Variants in ITGA4 observed in about 807,000 individuals in gnomAD.
The protein encoded by ITGA4 is integrin alpha-4.
A neutral mutation model predicts 133.6 loss-of-function variants in ITGA4; 63 were observed. The ratio of observed to expected loss-of-function variants is 0.47; its 90% CI spans 0.38 to 0.58. The LOEUF (loss-of-function observed/expected upper bound fraction) is 0.58. Among genes scored for constraint, ITGA4 ranks in the 20% least tolerant of loss-of-function variants. The pLI, the probability that ITGA4 is intolerant of heterozygous loss-of-function variation, is 0.00. For synonymous variants in ITGA4, 483 were observed against 438.0 expected, an observed-to-expected ratio of 1.10 and a Z score of -1.28; for missense variants, 1,076 against 1,252.7, an observed-to-expected ratio of 0.86 and a Z score of 2.13.
intron 8 of ITGA4, 35 bp from the exon 9 acceptor site, chr2:181,482,479 T>C (rs1685829007): frequency 6.2e-7 from 1 of 1,613,516 alleles, no homozygotes; most frequent in Non-Finnish European, 8.5e-7. Flanking sequence ...CCCTGCTTTT[T>C]TCTCAATGAG....
chr2:181,469,765 G>A (rs1272902183), intron 2 of ITGA4, among the ~76,000 whole-genome samples: 1 of 152,148 alleles, frequency 6.6e-6, no homozygotes, highest in Non-Finnish European at 1.5e-5. Context: ...GTCCTTTGTA[G>A]GGACATGGAT....
At chr2:181,464,370 G>A (rs946344154) in intron 2 of ITGA4, among the ~76,000 whole-genome samples, 5 of 152,058 alleles carry the variant, frequency 3.3e-5, no homozygotes, top group African/African-American at 1.2e-4. Flanking sequence ...TTTTAACTGG[G>A]TTCTTCCTTC....
In ITGA4 at chr2:181,524,959, TAAAA is replaced by T. The variant is rs34230117; in HGVS notation, c.2250-233_2250-230del. ...TAATCTAATAAATGTAACTATTTGT[TAAAA>T]AAAAAAAAATTCCTCTATCTAGCAT... is the stretch of plus-strand genomic sequence containing the variant. On this transcript the variant is annotated intron_variant, in intron 20 of 27. Coordinates refer to ENST00000397033, the MANE Select transcript of ITGA4 (RefSeq NM_000885.6). Among the ~76,000 whole-genome samples the T allele has an allele frequency of 8.2e-5, 12 of 146,430 alleles. No individual in the cohort carries two copies. The East Asian group carries it at 2.2e-3, about 26-fold the overall frequency.
At position 181,534,240 on chromosome 2, in the gene ITGA4, C is replaced by T. The variant is rs1342271684; in HGVS notation, c.2785-32C>T. 4 of 1,263,978 alleles carry T rather than the reference C, an allele frequency of 3.2e-6. No individual in the cohort carries two copies. In the African/African-American group the frequency reaches 5.9e-5, roughly 19 times the overall value. 78.3% of individuals were successfully genotyped at this position (1,263,978 alleles called of 1,614,324 possible). ...TAAATTATGTCTTTATGAAATAAAC[C>T]AGGCTATGGTGATCCTTCTTTTATT... On this transcript the variant is annotated intron_variant, in intron 25 of 27. Transcript: ENST00000397033.
rs936648299 is a variant in ITGA4 at position 181,537,429 on chromosome 2, T to C, written c.*1902T>C. On this transcript the variant is annotated 3_prime_UTR_variant, in exon 28 of 28. Transcript: ENST00000397033. Reference sequence around the variant, plus strand: ...AATAGTATTTGTTATCAACTTACTTTGTTACTTGTATCATGAATTTTAAAA... The same window carrying C: ...AATAGTATTTGTTATCAACTTACTTCGTTACTTGTATCATGAATTTTAAAA... The C allele has an allele frequency of 6.6e-6, 3 of 453,838 alleles. No individual in the cohort carries two copies. Among genetic ancestry groups the C allele is most frequent in the African/African-American group, 6.0e-5 (3 of 49,996 alleles). The allele number at this position is 453,838 out of a possible 1,614,324, so 28.1% of individuals were successfully genotyped here. A position where few individuals can be genotyped will look rare whatever the true frequency, so the allele number is the denominator to read the frequency against.
In ITGA4 at chr2:181,535,776, C is replaced by T. The variant is rs982668896; in HGVS notation, c.*249C>T. 3 of 296,268 alleles carry T rather than the reference C, an allele frequency of 1.0e-5. No individual in the cohort carries two copies. The highest frequency in any genetic ancestry group is 4.7e-5 in the Admixed American group (1 of 21,116). 18.4% of individuals were successfully genotyped at this position (296,268 alleles called of 1,614,324 possible). Reference sequence around the variant, plus strand: ...TTAAATGGGTAGAGAAACACTAAAGCATTCAATTTATTCAAGAAAAGTAAG... The same window carrying T: ...TTAAATGGGTAGAGAAACACTAAAGTATTCAATTTATTCAAGAAAAGTAAG... On this transcript the variant is annotated 3_prime_UTR_variant, in exon 28 of 28. Coordinates refer to ENST00000397033, the MANE Select transcript of ITGA4 (RefSeq NM_000885.6).
rs558137019 is a variant in ITGA4 at position 181,512,391 on chromosome 2, G to A, written c.1922+616G>A. Among the ~76,000 whole-genome samples the A allele has an allele frequency of 7.2e-5, 11 of 152,114 alleles. No homozygotes were observed. In the South Asian group the frequency reaches 1.9e-3, roughly 26 times the overall value. ...TGAATTTGGAGGGACTTTTCTATGT[G>A]GCATTCCACTTGAAAATCTAGTTCA... On this transcript the variant is annotated intron_variant, in intron 17 of 27. Coordinates refer to ENST00000397033, the MANE Select transcript of ITGA4 (RefSeq NM_000885.6).
At chr2:181,498,866 A>T in intron 15 of ITGA4, 89 bp downstream of exon 15, 3 of 1,448,512 alleles carry the variant, frequency 2.1e-6, no homozygotes, top group Admixed American at 2.5e-5. Context: ...TTTTTATAAA[A>T]TGTAGATAAA....
chr2:181,495,421 GAC>G lies in ITGA4; in HGVS notation c.1385+6_1385+7del, dbSNP rs772394233. 7 of 1,602,158 alleles carry G rather than the reference GAC, an allele frequency of 4.4e-6. No individual in the cohort carries two copies. The South Asian group carries it at 7.7e-5, about 18-fold the overall frequency. On this transcript the variant is annotated splice_donor_region_variant and intron_variant, in intron 13 of 27. Coordinates refer to ENST00000397033, the MANE Select transcript of ITGA4 (RefSeq NM_000885.6). The surrounding 1 kb of genome is among the most constrained non-coding windows in gnomAD (Gnocchi z 4.3). ...TGATTCTGCTGTCTTGCTAAGGTAA[GAC>G]TGATATATTTCACTGCTTAATTGCA...
At position 181,495,040 on chromosome 2, in the gene ITGA4, C is replaced by A. The variant is rs891580821; in HGVS notation, c.1339+228C>A. Among the ~76,000 whole-genome samples, 6 of 152,218 alleles carry A rather than the reference C, an allele frequency of 3.9e-5. No homozygotes were observed. The highest frequency in any genetic ancestry group is 2.0e-4 in the Admixed American group (3 of 15,294). On this transcript the variant is annotated intron_variant, in intron 12 of 27. Transcript: ENST00000397033. The surrounding 1 kb of genome is among the most constrained non-coding windows in gnomAD (Gnocchi z 4.3). ...GTCTGTGTTTTTGAAAACATGAAAGCACTCATGAAAATCAAATATATGAGG... is the reference window on the plus strand; with the variant it reads ...GTCTGTGTTTTTGAAAACATGAAAGAACTCATGAAAATCAAATATATGAGG...
intron 17 of ITGA4, among the ~76,000 whole-genome samples, chr2:181,514,771 C>T (rs1283352312): frequency 6.6e-6 from 1 of 152,074 alleles, no homozygotes; most frequent in East Asian, 1.9e-4. Context: ...GAAAATGAGA[C>T]ATTGACATTT....
chr2:181,457,341 C>T (rs965195881), upstream of ITGA4: 2 of 317,616 alleles, frequency 6.3e-6, no homozygotes, highest in Non-Finnish European at 5.9e-6. Context: ...CGGCCCTGCG[C>T]CTCCGCACCA....
At chr2:181,500,489 C>T (rs1184943550) in intron 15 of ITGA4, among the ~76,000 whole-genome samples, 2 of 152,148 alleles carry the variant, frequency 1.3e-5, no homozygotes, top group East Asian at 3.9e-4. Context: ...TGAATTCTTC[C>T]ATCTTCCTAG....
chr2:181,487,661 A>G (rs1375884095), intron 10 of ITGA4, among the ~76,000 whole-genome samples: 1 of 152,246 alleles, frequency 6.6e-6, no homozygotes. Flanking sequence ...GTTACATCTC[A>G]TAAGTAACCA....
intron 2 of ITGA4, among the ~76,000 whole-genome samples, chr2:181,459,990 G>T (rs930962230): frequency 4.6e-5 from 7 of 152,186 alleles, no homozygotes; most frequent in African/African-American, 1.7e-4. Context: ...GTTTGGGCAT[G>T]TGTAGCATGG....
chr2:181,503,735 CT>C (rs1225342081), intron 15 of ITGA4, among the ~76,000 whole-genome samples: 3 of 151,924 alleles, frequency 2.0e-5, no homozygotes, highest in Admixed American at 1.3e-4. Flanking sequence ...TCATTTATAT[CT>C]TTTAGTGTTT....
rs896821290 is a variant in ITGA4 at position 181,520,890 on chromosome 2, G to A, written c.1923-1301G>A. The stretch of plus-strand genomic sequence containing the variant: ...ATGAATCTTCAAGTAATAATTAAAA[G>A]CAGAAATTTTGAAACATGTTCTTAA... On this transcript the variant is annotated intron_variant, in intron 17 of 27. Transcript: ENST00000397033. Among the ~76,000 whole-genome samples the A allele has an allele frequency of 2.6e-5, 4 of 152,196 alleles. No individual in the cohort carries two copies. The East Asian group carries it at 7.7e-4, about 29-fold the overall frequency.
chr2:181,509,017 C>CT (rs1686448722), intron 15 of ITGA4, among the ~76,000 whole-genome samples: 1 of 151,484 alleles, frequency 6.6e-6, no homozygotes, highest in Non-Finnish European at 1.5e-5. Flanking sequence ...TGGTACACAT[C>CT]TGTAGTCCTA....
At chr2:181,474,224 C>T (rs569491876) in intron 2 of ITGA4, among the ~76,000 whole-genome samples, 5 of 152,168 alleles carry the variant, frequency 3.3e-5, no homozygotes, top group African/African-American at 4.8e-5. Flanking sequence ...ATAATGATCA[C>T]TGTGAAGACC....
Sources: gnomAD v4.1 joint callset for allele counts (sites outside exome capture counted in the v4.1 genomes callset) on GRCh38, gnomAD v4.1.1 for gene constraint, Gnocchi (gnomAD v3.1) non-coding constraint, MANE v1.5 for transcripts, NCBI Gene and HGNC (gene_info 2026-07-23, HGNC 2026-07-21) for gene names.